The following FLRT2 variants were observed in gnomAD, a reference collection of about 807,000 sequenced individuals.
The protein encoded by FLRT2 is leucine-rich repeat transmembrane protein FLRT2.
In FLRT2, 15 loss-of-function variants were observed where a neutral mutation model predicts 40.0. The ratio of observed to expected loss-of-function variants is 0.38; its 90% CI spans 0.25 to 0.58. The LOEUF (loss-of-function observed/expected upper bound fraction) is 0.58, where lower values mean the gene tolerates loss of function less well. Ranked by LOEUF, FLRT2 falls within the 20% of genes least tolerant of loss-of-function variation. The pLI, the probability that FLRT2 is intolerant of heterozygous loss-of-function variation, is 0.71. For synonymous variants in FLRT2, 380 were observed against 336.8 expected (o/e 1.13, Z -1.41); for missense variants, 726 against 840.0 (o/e 0.86, Z 1.68).
intron 1 of FLRT2, among the ~76,000 whole-genome samples, chr14:85,616,734 G>T (rs527732504): frequency 2.0e-5 from 3 of 152,204 alleles, no homozygotes; most frequent in Non-Finnish European, 2.9e-5. Context: ...ATGCTCTAGG[G>T]TTAAGAACTC....
chr14:85,549,633 G>A (rs1889490082), intron 1 of FLRT2, among the ~76,000 whole-genome samples: 1 of 152,180 alleles, frequency 6.6e-6, no homozygotes, highest in African/African-American at 2.4e-5. Context: ...GCTTGTGTTT[G>A]TGGCTACTTC....
Position 85,627,576 on chromosome 14 carries a change from G to A in FLRT2, c.*4079G>A, listed in dbSNP as rs909434605. 2.1e-5 allele frequency: 3 copies of A among 140,942 alleles called. No individual in the cohort carries two copies. Among genetic ancestry groups the A allele is most frequent in the Non-Finnish European group, 5.2e-5 (3 of 57,856 alleles). The allele number at this position is 140,942 out of a possible 1,614,324, so 8.7% of individuals were successfully genotyped here. ...ATTATTATCAAACATGCACATGCTT[G>A]TACACACACACACACACACACACAA... On this transcript the variant is annotated 3_prime_UTR_variant, in exon 2 of 2. Coordinates refer to ENST00000330753, the MANE Select transcript of FLRT2 (RefSeq NM_013231.6).
chr14:85,623,131 C>T lies in FLRT2; in HGVS notation c.1617C>T (p.Ser539=), dbSNP rs985730494. The T allele has an allele frequency of 1.2e-6, 2 of 1,603,982 alleles. No individual in the cohort carries two copies. The highest frequency in any genetic ancestry group is 2.7e-5 in the African/African-American group (2 of 74,584). Reference sequence around the variant, plus strand: ...AGACGACGTCCCACAGCATGGGCTCCCCCTTTCTGCTGGCGGGCTTGATCG... The same window carrying T: ...AGACGACGTCCCACAGCATGGGCTCTCCCTTTCTGCTGGCGGGCTTGATCG... ...HEQTTSHSMG[S]PFLLAGLIGG... The change falls in exon 2 of 2, where the codon TCC becomes TCT. Residue 539 remains serine (S), a synonymous_variant. Coordinates refer to ENST00000330753, the MANE Select transcript of FLRT2 (RefSeq NM_013231.6).
At position 85,631,416 on chromosome 14, in the gene FLRT2, C is replaced by T. The variant is rs928784386; in HGVS notation, c.*7919C>T. ...TCTGCTTCATGCCTATACAATGGGG[C>T]CCCTGGAAACAGAAAACATATTCTG... On this transcript the variant is annotated 3_prime_UTR_variant, in exon 2 of 2. Coordinates refer to ENST00000330753, the MANE Select transcript of FLRT2 (RefSeq NM_013231.6). 3 of 151,942 alleles carry T rather than the reference C, an allele frequency of 2.0e-5. No homozygotes were observed. The highest frequency in any genetic ancestry group is 2.9e-5 in the Non-Finnish European group (2 of 68,028). 9.4% of individuals were successfully genotyped at this position (151,942 alleles called of 1,614,324 possible).
In FLRT2 at chr14:85,622,810, G is replaced by T. The variant is rs1251594868; in HGVS notation, c.1296G>T (p.Val432=). The T allele has an allele frequency of 6.2e-7, 1 of 1,614,038 alleles. No homozygotes were observed. The highest frequency in any genetic ancestry group is 1.3e-5 in the African/African-American group (1 of 74,904). The part of the protein sequence containing the change: ...SERIQLSIHF[V]NDTSIQVSWL... ...GGATCCAGCTCTCTATCCATTTTGT[G>T]AATGATACTTCCATTCAAGTCAGCT... The change falls in exon 2 of 2, where the codon GTG becomes GTT. Residue 432 remains valine (V), a synonymous_variant. Coordinates refer to ENST00000330753, the MANE Select transcript of FLRT2 (RefSeq NM_013231.6).
chr14:85,532,246 G>A (rs950113233), intron 1 of FLRT2, among the ~76,000 whole-genome samples: 4 of 152,126 alleles, frequency 2.6e-5, no homozygotes, highest in Non-Finnish European at 4.4e-5. Context: ...TGCATCTCGC[G>A]TGGCCCCACC....
At chr14:85,580,263 C>T (rs1411053522) in intron 1 of FLRT2, among the ~76,000 whole-genome samples, 3 of 152,050 alleles carry the variant, frequency 2.0e-5, no homozygotes, top group Admixed American at 1.3e-4. Context: ...CAAATTTAGG[C>T]CAGAATTAAT....
intron 1 of FLRT2, among the ~76,000 whole-genome samples, chr14:85,531,983 A>C (rs1211028384): frequency 6.6e-6 from 1 of 152,218 alleles, no homozygotes; most frequent in African/African-American, 2.4e-5. Context: ...AAGTCGTCTT[A>C]ACATGATTTA....
At position 85,628,791 on chromosome 14, in the gene FLRT2, C is replaced by T. The variant is rs908671880; in HGVS notation, c.*5294C>T. Reference sequence around the variant, plus strand: ...CTTTTGGGGATTTTATGTAAAGTAACATCTATGCTATTCTTGGGTACTTTT... The same window carrying T: ...CTTTTGGGGATTTTATGTAAAGTAATATCTATGCTATTCTTGGGTACTTTT... On this transcript the variant is annotated 3_prime_UTR_variant, in exon 2 of 2. Coordinates refer to ENST00000330753, the MANE Select transcript of FLRT2 (RefSeq NM_013231.6). The T allele has an allele frequency of 6.6e-6, 1 of 152,130 alleles. No individual in the cohort carries two copies. Among genetic ancestry groups the T allele is most frequent in the Non-Finnish European group, 1.5e-5 (1 of 68,038 alleles). The allele number at this position is 152,130 out of a possible 1,614,324, so 9.4% of individuals were successfully genotyped here. A position where few individuals can be genotyped will look rare whatever the true frequency, so the allele number is the denominator to read the frequency against.
In FLRT2 at chr14:85,598,916, G is replaced by GTTTTTT. The variant is rs11449675; in HGVS notation, c.-376-22209_-376-22204dup. ...AAGATGAAATAAGAGAAATGGGATGGTTTTTTTTTTTTTTTTTTTGAGACG... is the reference window on the plus strand; with the variant it reads ...AAGATGAAATAAGAGAAATGGGATGGTTTTTTTTTTTTTTTTTTTTTTTTTGAGACG... On this transcript the variant is annotated intron_variant, in intron 1 of 1. Coordinates refer to ENST00000330753, the MANE Select transcript of FLRT2 (RefSeq NM_013231.6). 1.2e-4 allele frequency among the ~76,000 whole-genome samples: 14 copies of GTTTTTT among 120,314 alleles called. 1 individual carries two copies. Among genetic ancestry groups the GTTTTTT allele is most frequent in the South Asian group, 2.7e-4 (1 of 3,680 alleles). The allele number at this position is 120,314 out of a possible 152,430, so 78.9% of individuals were successfully genotyped here.
At chr14:85,564,651 A>G (rs867128412) in intron 1 of FLRT2, among the ~76,000 whole-genome samples, 2 of 152,208 alleles carry the variant, frequency 1.3e-5, no homozygotes, top group Non-Finnish European at 2.9e-5. Flanking sequence ...TGTCATGCAC[A>G]CCGTTTTCTG....
chr14:85,621,568 T>G lies in FLRT2; in HGVS notation c.54T>G (p.Ser18=). ...WPSHGAFFLK[S]WLIISLGLYS... ...GCCATGGGGCTTTTTTCCTGAAGTC[T>G]TGGCTTATCATTTCCCTGGGGCTCT... is the stretch of plus-strand genomic sequence containing the variant. Residue 18 remains serine (S), a synonymous_variant, in exon 2 of 2, where the codon TCT becomes TCG. Coordinates refer to ENST00000330753, the MANE Select transcript of FLRT2 (RefSeq NM_013231.6). The G allele has an allele frequency of 6.2e-7, 1 of 1,614,172 alleles. No homozygotes were observed. Among genetic ancestry groups the G allele is most frequent in the Non-Finnish European group, 8.5e-7 (1 of 1,180,022 alleles).
chr14:85,589,135 C>T (rs1309610134), intron 1 of FLRT2, among the ~76,000 whole-genome samples: 2 of 152,136 alleles, frequency 1.3e-5, no homozygotes, highest in African/African-American at 4.8e-5. Flanking sequence ...TCCAGTAATG[C>T]AATTGCTGGA....
Position 85,622,781 on chromosome 14 carries a change from G to A in FLRT2, c.1267G>A (p.Glu423Lys). 2 of 1,614,094 alleles carry A rather than the reference G, an allele frequency of 1.2e-6. No individual in the cohort carries two copies. The change falls in exon 2 of 2, where the codon GAA becomes AAA. Residue 423 changes from glutamate (E) to lysine (K), a missense_variant. Physicochemically the swap from Glu to Lys is moderately conservative, Grantham distance 56 (BLOSUM62 1). Around this residue, in one of 3 missense-constraint regions of FLRT2, gnomAD observed 611 missense variants for 690.0 expected, o/e 0.89. Transcript: ENST00000330753. ...GRERVTPPIS[E>K]RIQLSIHFVN... Reference sequence around the variant, plus strand: ...AGAAAGAGTGACCCCACCTATTTCTGAACGGATCCAGCTCTCTATCCATTT... The same window carrying A: ...AGAAAGAGTGACCCCACCTATTTCTAAACGGATCCAGCTCTCTATCCATTT...
chr14:85,555,998 G>A (rs1889935234), intron 1 of FLRT2, among the ~76,000 whole-genome samples: 1 of 152,168 alleles, frequency 6.6e-6, no homozygotes, highest in African/African-American at 2.4e-5. Context: ...TTCTAGCAAT[G>A]AGATGTTAGT....
In FLRT2 at chr14:85,635,080, T is replaced by A. The variant is rs900988493; in HGVS notation, c.*11583T>A. The A allele has an allele frequency of 6.6e-6, 1 of 152,200 alleles. No homozygotes were observed. Among genetic ancestry groups the A allele is most frequent in the African/African-American group, 2.4e-5 (1 of 41,458 alleles). 9.4% of individuals were successfully genotyped at this position (152,200 alleles called of 1,614,324 possible). On this transcript the variant is annotated 3_prime_UTR_variant, in exon 2 of 2. Coordinates refer to ENST00000330753, the MANE Select transcript of FLRT2 (RefSeq NM_013231.6). ...GTTTCATTGACTTAAGTATAAAGAC[T>A]AACATGTTTCTCATTAGTTATAATA...
At chr14:85,533,831 C>A (rs1460112602) in intron 1 of FLRT2, among the ~76,000 whole-genome samples, 1 of 151,700 alleles carries the variant, frequency 6.6e-6, no homozygotes, top group East Asian at 1.9e-4. Flanking sequence ...CCTCCGCACC[C>A]CCGCGCCCCG....
In FLRT2 at chr14:85,640,430, C is replaced by G. The variant is rs1209353784; in HGVS notation, c.*16933C>G. On this transcript the variant is annotated 3_prime_UTR_variant, in exon 2 of 2. Transcript: ENST00000330753. ...CTTGGGAAGTAAACTTTGGTCACCA[C>G]AATATACATAGCAAGTATTAAATAT... The G allele has an allele frequency of 6.6e-6, 1 of 152,022 alleles. No homozygotes were observed. The highest frequency in any genetic ancestry group is 2.4e-5 in the African/African-American group (1 of 41,364). 9.4% of individuals were successfully genotyped at this position (152,022 alleles called of 1,614,324 possible). A position where few individuals can be genotyped will look rare whatever the true frequency, so the allele number is the denominator to read the frequency against.
intron 1 of FLRT2, among the ~76,000 whole-genome samples, chr14:85,568,262 A>C (rs991110674): frequency 1.3e-5 from 2 of 151,996 alleles, no homozygotes; most frequent in Non-Finnish European, 2.9e-5. Context: ...GGCAGAGCGC[A>C]TAGTTTTGGC....
Sources: gnomAD v4.1 joint callset for allele counts (sites outside exome capture counted in the v4.1 genomes callset) on GRCh38, gnomAD v4.1.1 for gene constraint, gnomAD v4.1.1 regional missense constraint, MANE v1.5 for transcripts, NCBI Gene and HGNC (gene_info 2026-07-23, HGNC 2026-07-21) for gene names.